NCAM2: variants seen among roughly 807,000 people sequenced by gnomAD.
NCAM2 encodes neural cell adhesion molecule 2.
NCAM2 carries 30 observed loss-of-function variants against 98.1 expected under a neutral mutation model. The observed-to-expected ratio is 0.31, with a 90% CI of 0.23 to 0.41. NCAM2 has a LOEUF of 0.41. Among genes scored for constraint, NCAM2 ranks in the 10% least tolerant of loss-of-function variants. The pLI, the probability that NCAM2 is intolerant of heterozygous loss-of-function variation, is 1.00. For missense variants in NCAM2, 867 were observed against 1,005.8 expected (o/e 0.86, Z 1.87); for synonymous variants, 368 against 342.4 (o/e 1.07, Z -0.83).
At chr21:21,190,521 TGTTCTG>T (rs1194076360) in intron 1 of NCAM2, among the ~76,000 whole-genome samples, 4 of 152,226 alleles carry the variant, frequency 2.6e-5, no homozygotes, top group Non-Finnish European at 5.9e-5. Context: ...TCTTCTTCAG[TGTTCTG>T]GTTATTTATT....
chr21:21,220,621 T>C (rs929128809), intron 1 of NCAM2, among the ~76,000 whole-genome samples: 2 of 152,158 alleles, frequency 1.3e-5, no homozygotes, highest in Non-Finnish European at 2.9e-5. Context: ...TCCTCTTATT[T>C]CATCCCTTTC....
intron 6 of NCAM2, 97 bp downstream of exon 6, chr21:21,324,597 T>A: frequency 1.1e-6 from 1 of 883,426 alleles, no homozygotes; most frequent in Non-Finnish European, 1.8e-6. Context: ...AGCAAACCAT[T>A]GCATTTTAGT....
chr21:21,466,798 G>T, intron 13 of NCAM2, 73 bp downstream of exon 13: 2 of 1,437,904 alleles, frequency 1.4e-6, no homozygotes, highest in Non-Finnish European at 1.9e-6. Context: ...ATTTTAAAAT[G>T]TAGGGAGATG....
intron 1 of NCAM2, among the ~76,000 whole-genome samples, chr21:21,113,617 A>G (rs984476295): frequency 2.6e-5 from 4 of 152,194 alleles, no homozygotes; most frequent in Non-Finnish European, 5.9e-5. Context: ...TGAGGTATTT[A>G]GCAGATTTTG....
intron 1 of NCAM2, among the ~76,000 whole-genome samples, chr21:21,123,107 T>G (rs1287735623): frequency 6.6e-6 from 1 of 152,082 alleles, no homozygotes; most frequent in African/African-American, 2.4e-5. Context: ...ATTTGAAAAT[T>G]TTGTGTCTGG....
chr21:21,027,761 T>G (rs947308395), intron 1 of NCAM2, among the ~76,000 whole-genome samples: 3 of 152,188 alleles, frequency 2.0e-5, no homozygotes, highest in Admixed American at 6.5e-5. Flanking sequence ...TGCGTTAATA[T>G]ACATTATTTT....
At chr21:21,118,323 A>C (rs73332354) in intron 1 of NCAM2, among the ~76,000 whole-genome samples, 7,067 of 152,172 alleles carry the variant, frequency 0.046, 457 homozygotes, top group African/African-American at 0.15. Flanking sequence ...AAACAACCCA[A>C]AGATGCAGCG....
At chr21:21,525,670 G>T (rs546712020) in intron 16 of NCAM2, among the ~76,000 whole-genome samples, 1 of 152,048 alleles carries the variant, frequency 6.6e-6, no homozygotes, top group Non-Finnish European at 1.5e-5. Flanking sequence ...TATGAAGCCA[G>T]CATTACTGAA....
In NCAM2 at chr21:21,259,888, T is replaced by C. The variant is rs943767814; in HGVS notation, c.56-20690T>C. On this transcript the variant is annotated intron_variant, in intron 1 of 17. Coordinates refer to ENST00000400546, the MANE Select transcript of NCAM2 (RefSeq NM_004540.5). ...ACCCTCAAGGAACAAAATAATTTTT[T>C]AAAAGTTACATCCAAATAAAAATAA... 4.7e-5 allele frequency among the ~76,000 whole-genome samples: 7 copies of C among 147,604 alleles called. No homozygotes were observed. The Admixed American group carries it at 4.8e-4, about 10-fold the overall frequency.
intron 2 of NCAM2, among the ~76,000 whole-genome samples, chr21:21,283,354 G>T (rs751629190): frequency 4.6e-5 from 7 of 151,892 alleles, no homozygotes; most frequent in Non-Finnish European, 8.8e-5. Context: ...TTCCATAAAT[G>T]ATATCTGAAG....
At chr21:21,037,266 G>C (rs969529483) in intron 1 of NCAM2, among the ~76,000 whole-genome samples, 2 of 152,128 alleles carry the variant, frequency 1.3e-5, no homozygotes, top group African/African-American at 4.8e-5. Context: ...TTAATAGCAA[G>C]TGACTATAGC....
At chr21:21,109,676 T>C (rs2066417417) in intron 1 of NCAM2, among the ~76,000 whole-genome samples, 1 of 152,176 alleles carries the variant, frequency 6.6e-6, no homozygotes, top group Non-Finnish European at 1.5e-5. Context: ...TATTTGTCAA[T>C]CATGCTTTCT....
chr21:21,228,295 C>A (rs957688008), intron 1 of NCAM2, among the ~76,000 whole-genome samples: 13 of 151,214 alleles, frequency 8.6e-5, no homozygotes, highest in Non-Finnish European at 1.8e-4. Flanking sequence ...AATAGAAAGT[C>A]ATACAATTTA....
At position 21,216,945 on chromosome 21, in the gene NCAM2, AGTTTTGTCT is replaced by A. The variant is rs373497533; in HGVS notation, c.56-63629_56-63621del. 6.4e-3 allele frequency among the ~76,000 whole-genome samples: 979 copies of A among 152,310 alleles called. 3 individuals carry two copies. The highest frequency in any genetic ancestry group is 0.012 in the Admixed American group (182 of 15,300). On this transcript the variant is annotated intron_variant, in intron 1 of 17. Transcript: ENST00000400546. ...CAGGTAGCTTGGAAACCTTGGTTGA[AGTTTTGTCT>A]GTTAACTCAGGGCAAGTGATTATCT...
chr21:21,151,326 T>C (rs1321847731), intron 1 of NCAM2, among the ~76,000 whole-genome samples: 3 of 152,060 alleles, frequency 2.0e-5, no homozygotes, highest in Non-Finnish European at 4.4e-5. Context: ...AACGTGCATG[T>C]TTGTTACAAC....
chr21:21,311,364 G>A (rs1403110391), intron 5 of NCAM2, among the ~76,000 whole-genome samples: 32 of 131,938 alleles, frequency 2.4e-4, no homozygotes, highest in African/African-American at 3.2e-4. Context: ...TTTTTGAGAC[G>A]GAGTCTCACT....
chr21:21,223,880 G>GA (rs2070273009), intron 1 of NCAM2: 2 of 152,088 alleles, frequency 1.3e-5, no homozygotes, highest in Non-Finnish European at 2.9e-5. Context: ...TCTAAAAACA[G>GA]AAAATAAAGC....
chr21:21,166,428 G>A (rs575769908), intron 1 of NCAM2, among the ~76,000 whole-genome samples: 42 of 151,674 alleles, frequency 2.8e-4, no homozygotes, highest in Non-Finnish European at 4.3e-4. Context: ...AGCTGGTCTC[G>A]AACCCCTGAC....
intron 1 of NCAM2, among the ~76,000 whole-genome samples, chr21:21,035,840 G>A (rs1276829721): frequency 6.6e-6 from 1 of 152,070 alleles, no homozygotes; most frequent in South Asian, 2.1e-4. Flanking sequence ...GTTTACCTTG[G>A]ACAAGACTTA....
Sources: allele counts gnomAD v4.1 joint callset (sites outside exome capture counted in the v4.1 genomes callset), GRCh38; gene constraint gnomAD v4.1.1; transcripts MANE v1.5; gene names NCBI Gene and HGNC (gene_info 2026-07-23, HGNC 2026-07-21).